Variants in CSTPP1 observed in about 807,000 individuals in gnomAD.
The protein encoded by CSTPP1 is centriolar satellite-associated tubulin polyglutamylase complex regulator 1.
the CSTPP1 span, among the ~76,000 whole-genome samples, chr11:47,121,986 A>G: frequency 6.8e-6 from 1 of 147,398 alleles, no homozygotes; most frequent in African/African-American, 2.5e-5. Context: ...CAGAAGGATC[A>G]CTTCAGCCCA....
chr11:47,051,206 A>C, the CSTPP1 span, among the ~76,000 whole-genome samples: 1 of 152,224 alleles, frequency 6.6e-6, no homozygotes, highest in East Asian at 1.9e-4. Context: ...CTGCCTCTCC[A>C]CAAAGATTAA....
the CSTPP1 span, among the ~76,000 whole-genome samples, chr11:46,944,601 A>G: frequency 6.6e-6 from 1 of 152,174 alleles, no homozygotes; most frequent in East Asian, 1.9e-4. Context: ...TGGGCAGGAC[A>G]GACCCACTTC....
At chr11:47,116,901 T>C in the CSTPP1 span, among the ~76,000 whole-genome samples, 4 of 152,078 alleles carry the variant, frequency 2.6e-5, no homozygotes, top group African/African-American at 9.7e-5. Flanking sequence ...TAGGATGGCC[T>C]CGATCTCCTG....
At chr11:47,156,030 G>A in the CSTPP1 span, 1 of 152,204 alleles carries the variant, frequency 6.6e-6, no homozygotes. Context: ...GCTTAAAACA[G>A]GCTCTTCCAG....
the CSTPP1 span, among the ~76,000 whole-genome samples, chr11:47,008,414 T>G: frequency 2.0e-5 from 3 of 152,208 alleles, no homozygotes; most frequent in Non-Finnish European, 2.9e-5. Context: ...AATAATACCT[T>G]ATTTCTGAAG....
At chr11:47,162,712 G>C in the CSTPP1 span, among the ~76,000 whole-genome samples, 1 of 152,162 alleles carries the variant, frequency 6.6e-6, no homozygotes, top group Admixed American at 6.5e-5. Flanking sequence ...GGGTCCCCCA[G>C]AAAGCAAAAC....
the CSTPP1 span, among the ~76,000 whole-genome samples, chr11:46,939,341 G>A: frequency 6.6e-6 from 1 of 151,712 alleles, no homozygotes; most frequent in African/African-American, 2.4e-5. Flanking sequence ...CACCCACCTC[G>A]GCCTCCCAAA....
chr11:47,014,247 A>G, the CSTPP1 span, among the ~76,000 whole-genome samples: 10 of 151,156 alleles, frequency 6.6e-5, no homozygotes, highest in African/African-American at 1.9e-4. Context: ...AGGAAGGAAG[A>G]AAGGAAGGAA....
At chr11:47,123,675 A>G in the CSTPP1 span, among the ~76,000 whole-genome samples, 1 of 152,222 alleles carries the variant, frequency 6.6e-6, no homozygotes, top group African/African-American at 2.4e-5. Flanking sequence ...AGTTCACAGC[A>G]TTCCCACTCT....
the CSTPP1 span, among the ~76,000 whole-genome samples, chr11:46,968,334 A>AAT: frequency 6.8e-5 from 10 of 147,144 alleles, no homozygotes; most frequent in East Asian, 3.9e-4. Context: ...AAATGGCATA[A>AAT]ATATATATAT....
At chr11:46,958,119 G>C in the CSTPP1 span, among the ~76,000 whole-genome samples, 1 of 152,074 alleles carries the variant, frequency 6.6e-6, no homozygotes, top group Non-Finnish European at 1.5e-5. Context: ...TCCACTTAAT[G>C]AATAGTAAAT....
the CSTPP1 span, among the ~76,000 whole-genome samples, chr11:47,013,343 C>G: frequency 1.3e-5 from 2 of 151,830 alleles, no homozygotes; most frequent in South Asian, 4.1e-4. Flanking sequence ...ATCTCTCAAC[C>G]CATCACCTAG....
the CSTPP1 span, among the ~76,000 whole-genome samples, chr11:46,974,293 C>T: frequency 2.6e-5 from 4 of 151,878 alleles, no homozygotes; most frequent in South Asian, 2.1e-4. Context: ...TTTGGAAGGC[C>T]GAGGCGGGCA....
chr11:46,997,667 C>T, the CSTPP1 span, among the ~76,000 whole-genome samples: 4 of 152,282 alleles, frequency 2.6e-5, no homozygotes, highest in Non-Finnish European at 4.4e-5. Flanking sequence ...CTTTTCTGCT[C>T]TGGTTTCTCC....
the CSTPP1 span, chr11:47,052,025 A>C: frequency 1.9e-5 from 3 of 155,860 alleles, no homozygotes; most frequent in African/African-American, 7.2e-5. Flanking sequence ...CCTAATTCCA[A>C]ATGCAGTAGA....
the CSTPP1 span, chr11:47,137,224 T>C: frequency 8.1e-7 from 1 of 1,229,922 alleles, no homozygotes. Flanking sequence ...CCAGATATTC[T>C]GTGGATGGTC....
At chr11:47,093,795 C>T in the CSTPP1 span, among the ~76,000 whole-genome samples, 3 of 152,198 alleles carry the variant, frequency 2.0e-5, no homozygotes, top group African/African-American at 7.2e-5. Flanking sequence ...TGAGAATTGT[C>T]TCACATGGTG....
chr11:46,957,255 C>T, the CSTPP1 span, among the ~76,000 whole-genome samples: 1 of 152,138 alleles, frequency 6.6e-6, no homozygotes, highest in Non-Finnish European at 1.5e-5. Flanking sequence ...CATTCTTCAT[C>T]CTTACATGGA....
chr11:47,136,609 G>T, the CSTPP1 span, among the ~76,000 whole-genome samples: 1 of 152,118 alleles, frequency 6.6e-6, no homozygotes, highest in Non-Finnish European at 1.5e-5. Context: ...AGGAGATCTG[G>T]ATTCCTGTGG....
Sources: allele counts gnomAD v4.1 joint callset (sites outside exome capture counted in the v4.1 genomes callset), GRCh38; gene constraint gnomAD v4.1.1; transcripts MANE v1.5; gene names NCBI Gene and HGNC (gene_info 2026-07-23, HGNC 2026-07-21).